IMMP2L: variants seen among roughly 807,000 people sequenced by gnomAD.
IMMP2L encodes mitochondrial inner membrane protease subunit 2.
IMMP2L carries 18 observed loss-of-function variants against 19.3 expected under a neutral mutation model. That is an observed-to-expected ratio of 0.93 (90% CI 0.64 to 1.38). The LOEUF (loss-of-function observed/expected upper bound fraction) is 1.38, where lower values mean the gene tolerates loss of function less well. Among genes scored for constraint, IMMP2L ranks in the 40% most tolerant of loss-of-function variants. The pLI, the probability that IMMP2L is intolerant of heterozygous loss-of-function variation, is 0.00. For missense variants in IMMP2L, 233 were observed against 218.2 expected (o/e 1.07, Z -0.43); for synonymous variants, 76 against 73.0 (o/e 1.04, Z -0.21).
intron 3 of IMMP2L, among the ~76,000 whole-genome samples, chr7:111,368,310 T>A (rs1243093356): frequency 6.6e-6 from 1 of 151,864 alleles, no homozygotes; most frequent in Non-Finnish European, 1.5e-5. Context: ...AAATACATGT[T>A]CTCCATTATG....
At chr7:110,861,161 G>T (rs940417085) in intron 5 of IMMP2L, among the ~76,000 whole-genome samples, 2 of 148,688 alleles carry the variant, frequency 1.3e-5, no homozygotes, top group African/African-American at 5.0e-5. Flanking sequence ...CAGAGAGACA[G>T]ATCTACTGTA....
intron 3 of IMMP2L, among the ~76,000 whole-genome samples, chr7:111,469,565 T>C (rs1349200121): frequency 1.3e-5 from 2 of 152,024 alleles, no homozygotes; most frequent in Admixed American, 6.6e-5. Flanking sequence ...TTGTCTGTTA[T>C]TGTGTATATC....
chr7:111,415,414 T>A (rs1563163716), intron 3 of IMMP2L, among the ~76,000 whole-genome samples: 2 of 151,750 alleles, frequency 1.3e-5, no homozygotes, highest in Non-Finnish European at 2.9e-5. Flanking sequence ...ATGCCCAGAC[T>A]TTTGCCCTAC....
At chr7:111,282,076 A>G (rs1329840862) in intron 3 of IMMP2L, among the ~76,000 whole-genome samples, 3 of 152,204 alleles carry the variant, frequency 2.0e-5, no homozygotes, top group Non-Finnish European at 4.4e-5. Flanking sequence ...TATTTCAAGC[A>G]TTGTGCTAGG....
chr7:110,917,552 A>G (rs1178762790), intron 4 of IMMP2L, among the ~76,000 whole-genome samples: 4 of 152,198 alleles, frequency 2.6e-5, no homozygotes, highest in African/African-American at 9.6e-5. Flanking sequence ...CTAGGATTCA[A>G]TGCCAAGTAG....
chr7:111,476,948 C>T (rs1031279957), intron 3 of IMMP2L, among the ~76,000 whole-genome samples: 2 of 152,126 alleles, frequency 1.3e-5, no homozygotes, highest in African/African-American at 4.8e-5. Context: ...GCCTTATTTA[C>T]ATCTGTCCCT....
intron 3 of IMMP2L, among the ~76,000 whole-genome samples, chr7:111,121,182 C>T (rs901141341): frequency 2.0e-5 from 3 of 152,144 alleles, no homozygotes; most frequent in Non-Finnish European, 2.9e-5. Flanking sequence ...ACATATCCTT[C>T]GCCCACTTTT....
At chr7:110,934,255 C>A (rs1815831871) in intron 4 of IMMP2L, among the ~76,000 whole-genome samples, 1 of 152,070 alleles carries the variant, frequency 6.6e-6, no homozygotes, top group Admixed American at 6.5e-5. Context: ...TGTTTTACTT[C>A]CAATCATGTT....
chr7:111,530,550 T>TA lies in IMMP2L; in HGVS notation c.-2-9102_-2-9101insT, dbSNP rs1214810066. ...CAGCACTGTCTTAGGTGTCTTGAGA[T>TA]TTTTTTAAAAGCAAAATAAAAGGAA... On this transcript the variant is annotated intron_variant, in intron 1 of 5. Transcript: ENST00000405709. Among the ~76,000 whole-genome samples, 101 of 152,228 alleles carry TA rather than the reference T, an allele frequency of 6.6e-4. 1 individual carries two copies. The highest frequency in any genetic ancestry group is 1.1e-3 in the Non-Finnish European group (73 of 68,000).
At chr7:111,135,107 A>G (rs1333927683) in intron 3 of IMMP2L, among the ~76,000 whole-genome samples, 3 of 152,174 alleles carry the variant, frequency 2.0e-5, no homozygotes, top group South Asian at 4.1e-4. Flanking sequence ...AATTCGGCAC[A>G]AACTGTCATC....
chr7:111,368,634 A>G (rs1742402585), intron 3 of IMMP2L, among the ~76,000 whole-genome samples: 1 of 150,692 alleles, frequency 6.6e-6, no homozygotes, highest in Admixed American at 6.6e-5. Flanking sequence ...TTCCCATCCC[A>G]GATACCAGAT....
At chr7:111,527,657 G>C (rs1049131038) in intron 1 of IMMP2L, among the ~76,000 whole-genome samples, 3 of 152,098 alleles carry the variant, frequency 2.0e-5, no homozygotes, top group African/African-American at 4.8e-5. Context: ...AGACCCAACA[G>C]TGAGGGAGCT....
chr7:111,435,810 T>A (rs1168068370), intron 3 of IMMP2L, among the ~76,000 whole-genome samples: 3 of 151,876 alleles, frequency 2.0e-5, no homozygotes, highest in Admixed American at 6.5e-5. Context: ...TTCATTTAGT[T>A]AGATCCACCC....
chr7:110,967,292 A>G (rs1819637751), intron 3 of IMMP2L, among the ~76,000 whole-genome samples: 1 of 151,924 alleles, frequency 6.6e-6, no homozygotes, highest in Admixed American at 6.6e-5. Context: ...TATAATTTTC[A>G]CCCTGTTGGG....
intron 4 of IMMP2L, among the ~76,000 whole-genome samples, chr7:110,917,693 A>T (rs545092686): frequency 6.6e-6 from 1 of 152,326 alleles, no homozygotes; most frequent in Admixed American, 6.5e-5. Context: ...GGGAGACGGG[A>T]AACAAGGTGG....
Position 111,451,069 on chromosome 7 carries a change from G to T in IMMP2L, c.239+36169C>A, listed in dbSNP as rs1160270083. 8.1e-5 allele frequency among the ~76,000 whole-genome samples: 12 copies of T among 147,828 alleles called. No individual in the cohort carries two copies. The South Asian group carries it at 2.3e-3, about 29-fold the overall frequency. ...AAAAAGTCAGGAAACAACAGGTGCT[G>T]GAGAGGATGTGGAGAAATAGGAACA... On this transcript the variant is annotated intron_variant, in intron 3 of 5. Transcript: ENST00000405709.
chr7:111,102,471 T>C (rs1798079723), intron 3 of IMMP2L, among the ~76,000 whole-genome samples: 1 of 151,622 alleles, frequency 6.6e-6, no homozygotes, highest in Non-Finnish European at 1.5e-5. Context: ...TGTCATTTTA[T>C]TGACAGTAAT....
chr7:111,284,095 A>G (rs1218587465), intron 3 of IMMP2L, among the ~76,000 whole-genome samples: 1 of 152,130 alleles, frequency 6.6e-6, no homozygotes, highest in Non-Finnish European at 1.5e-5. Flanking sequence ...TTTTCAAGAC[A>G]GGTAAAATAC....
At chr7:111,001,031 A>G (rs187726184) in intron 3 of IMMP2L, among the ~76,000 whole-genome samples, 13 of 152,312 alleles carry the variant, frequency 8.5e-5, no homozygotes, top group African/African-American at 1.7e-4. Flanking sequence ...TATGCAAACA[A>G]TGATACTGAT....
Sources: allele counts gnomAD v4.1 joint callset (sites outside exome capture counted in the v4.1 genomes callset), GRCh38; gene constraint gnomAD v4.1.1; transcripts MANE v1.5; gene names NCBI Gene and HGNC (gene_info 2026-07-23, HGNC 2026-07-21).